PRKG1: variants seen among roughly 807,000 people sequenced by gnomAD.
PRKG1 encodes protein kinase cGMP-dependent 1, also known as cGMP-dependent protein kinase 1.
A neutral mutation model predicts 88.1 loss-of-function variants in PRKG1; 35 were observed. The ratio of observed to expected loss-of-function variants is 0.40; its 90% CI spans 0.30 to 0.53. The LOEUF is 0.53. Among genes scored for constraint, PRKG1 ranks in the 20% least tolerant of loss-of-function variants. PRKG1 has a pLI of 0.59. For missense variants in PRKG1, 540 were observed against 839.8 expected (o/e 0.64, Z 4.41); for synonymous variants, 303 against 292.5 (o/e 1.04, Z -0.37).
chr10:51,157,482 T>G (rs1846243385), intron 2 of PRKG1, among the ~76,000 whole-genome samples: 1 of 151,852 alleles, frequency 6.6e-6, no homozygotes, highest in South Asian at 2.1e-4. Context: ...TTAATACTCT[T>G]ATATTCTTGT....
intron 2 of PRKG1, among the ~76,000 whole-genome samples, chr10:51,393,115 G>A (rs1330794070): frequency 4.7e-4 from 52 of 111,394 alleles, no homozygotes; most frequent in Non-Finnish European, 2.2e-4. Context: ...GGCGGTTGCC[G>A]GGCGGAGGGT....
intron 2 of PRKG1, chr10:51,302,738 C>A (rs1316843091): frequency 6.6e-6 from 1 of 152,062 alleles, no homozygotes; most frequent in Non-Finnish European, 1.5e-5. Flanking sequence ...AAACACCTAT[C>A]CAGCACTCAC....
chr10:52,108,955 G>A (rs1272345376), intron 7 of PRKG1, among the ~76,000 whole-genome samples: 1 of 150,778 alleles, frequency 6.6e-6, no homozygotes, highest in Non-Finnish European at 1.5e-5. Context: ...AGCCTCCTGA[G>A]TAGCTGGGAC....
intron 2 of PRKG1, among the ~76,000 whole-genome samples, chr10:51,404,967 A>G (rs1201654483): frequency 6.6e-6 from 1 of 152,188 alleles, no homozygotes; most frequent in African/African-American, 2.4e-5. Flanking sequence ...GATTAAGGAA[A>G]AAAAATCACA....
intron 2 of PRKG1, among the ~76,000 whole-genome samples, chr10:51,330,105 T>TTTTA (rs142962238): frequency 4.1e-4 from 53 of 130,416 alleles, no homozygotes; most frequent in Non-Finnish European, 5.0e-4. Context: ...ACATTTGCTC[T>TTTTA]TTTATTTATT....
chr10:51,786,729 C>T (rs974174075), intron 3 of PRKG1, among the ~76,000 whole-genome samples: 5 of 152,194 alleles, frequency 3.3e-5, no homozygotes, highest in African/African-American at 1.2e-4. Flanking sequence ...TTTAATATTT[C>T]CTAAATATGT....
intron 1 of PRKG1, among the ~76,000 whole-genome samples, chr10:51,107,014 G>C (rs1844852270): frequency 6.6e-6 from 1 of 152,204 alleles, no homozygotes; most frequent in South Asian, 2.1e-4. Flanking sequence ...GAATGAAACA[G>C]CTTACTGTTA....
intron 2 of PRKG1, among the ~76,000 whole-genome samples, chr10:51,262,920 A>G (rs1839750105): frequency 2.0e-5 from 3 of 152,124 alleles, no homozygotes; most frequent in Non-Finnish European, 4.4e-5. Flanking sequence ...ACAATTTGAC[A>G]TGAGATTTGG....
chr10:51,371,950 C>T (rs780163239), intron 2 of PRKG1, among the ~76,000 whole-genome samples: 13 of 129,256 alleles, frequency 1.0e-4, no homozygotes, highest in Non-Finnish European at 2.2e-4. Flanking sequence ...ACAGCCAGTT[C>T]TGTCCCCTGC....
At chr10:51,628,712 C>T (rs1374923640) in intron 3 of PRKG1, among the ~76,000 whole-genome samples, 1 of 151,876 alleles carries the variant, frequency 6.6e-6, no homozygotes, top group African/African-American at 2.4e-5. Context: ...GTAATCCCAG[C>T]ACTTTGGGAG....
chr10:51,553,869 TATGTATTA>T (rs1837212613), intron 3 of PRKG1, among the ~76,000 whole-genome samples: 1 of 109,732 alleles, frequency 9.1e-6, no homozygotes, highest in South Asian at 3.3e-4. Context: ...ATAATATATG[TATGTATTA>T]GATACGTGTA....
chr10:52,029,770 G>A (rs1298937056), intron 5 of PRKG1, among the ~76,000 whole-genome samples: 1 of 152,132 alleles, frequency 6.6e-6, no homozygotes, highest in Non-Finnish European at 1.5e-5. Flanking sequence ...AAAGTTAGAA[G>A]CTGCATGGTT....
chr10:51,080,090 A>G (rs912981626), intron 1 of PRKG1, among the ~76,000 whole-genome samples: 6 of 152,192 alleles, frequency 3.9e-5, no homozygotes, highest in Admixed American at 2.0e-4. Flanking sequence ...TTTCTAATTT[A>G]AGGTTGATTG....
At chr10:51,479,625 C>T (rs1390275137) in intron 3 of PRKG1, among the ~76,000 whole-genome samples, 1 of 151,880 alleles carries the variant, frequency 6.6e-6, no homozygotes, top group East Asian at 1.9e-4. Context: ...TTTCCACTCT[C>T]GATGTGCATA....
intron 9 of PRKG1, among the ~76,000 whole-genome samples, chr10:52,233,750 A>G (rs542070623): frequency 1.3e-5 from 2 of 149,922 alleles, no homozygotes; most frequent in East Asian, 2.0e-4. Flanking sequence ...GGCGCCCGCC[A>G]TTGCCCAGGC....
intron 2 of PRKG1, among the ~76,000 whole-genome samples, chr10:51,172,358 G>T (rs1837048775): frequency 6.6e-6 from 1 of 151,714 alleles, no homozygotes. Flanking sequence ...AATTAATCTT[G>T]GAATAAAGAC....
intron 9 of PRKG1, among the ~76,000 whole-genome samples, chr10:52,241,080 T>C (rs530302981): frequency 2.4e-4 from 37 of 152,282 alleles, no homozygotes; most frequent in African/African-American, 8.7e-4. Flanking sequence ...AAGGAACCTC[T>C]GGTCTGTTAT....
intron 4 of PRKG1, among the ~76,000 whole-genome samples, chr10:51,838,446 T>G (rs1018168249): frequency 6.6e-6 from 1 of 152,204 alleles, no homozygotes; most frequent in Non-Finnish European, 1.5e-5. Context: ...TGAAGCCCTA[T>G]AAAACCTCTG....
At chr10:51,909,383 A>G (rs1842164090) in intron 5 of PRKG1, 1 of 152,216 alleles carries the variant, frequency 6.6e-6, no homozygotes, top group Non-Finnish European at 1.5e-5. Context: ...AGGAGGGAGC[A>G]GCCAACAATT....
Sources: allele counts gnomAD v4.1 joint callset (sites outside exome capture counted in the v4.1 genomes callset), GRCh38; gene constraint gnomAD v4.1.1; transcripts MANE v1.5; gene names NCBI Gene and HGNC (gene_info 2026-07-23, HGNC 2026-07-21).